MAPK10: variants seen among roughly 807,000 people sequenced by gnomAD.
MAPK10 encodes the protein JNK3 alpha protein kinase.
A neutral mutation model predicts 59.3 loss-of-function variants in MAPK10; 25 were observed. The observed-to-expected ratio is 0.42, with a 90% confidence interval of 0.31 to 0.59. The LOEUF (loss-of-function observed/expected upper bound fraction) is 0.59. MAPK10 is among the 20% of genes least tolerant of loss of function. The pLI is 0.15. For missense variants in MAPK10, 351 were observed against 568.9 expected, an observed-to-expected ratio of 0.62 and a Z score of 3.90; for synonymous variants, 190 against 200.5, an observed-to-expected ratio of 0.95 and a Z score of 0.44.
At chr4:86,548,404 T>G (rs916769362) in intron 1 of MAPK10, among the ~76,000 whole-genome samples, 1 of 152,196 alleles carries the variant, frequency 6.6e-6, no homozygotes, top group African/African-American at 2.4e-5. Context: ...GCTTCATTCC[T>G]GAAGTCAGTG....
At chr4:86,486,915 T>C (rs543993857) in intron 1 of MAPK10, among the ~76,000 whole-genome samples, 3 of 152,296 alleles carry the variant, frequency 2.0e-5, no homozygotes, top group African/African-American at 7.2e-5. Context: ...GACAAATCAC[T>C]GATGTCTTAT....
intron 1 of MAPK10, among the ~76,000 whole-genome samples, chr4:86,516,346 T>C (rs1302682889): frequency 6.6e-6 from 1 of 152,136 alleles, no homozygotes; most frequent in Non-Finnish European, 1.5e-5. Context: ...TTTTATTTAG[T>C]CTTGCTTTGG....
At chr4:86,359,287 T>TCTCTCTCTCTCTCTCTCTCTCC (rs1173944873) in intron 1 of MAPK10, among the ~76,000 whole-genome samples, 10 of 128,470 alleles carry the variant, frequency 7.8e-5, no homozygotes, top group African/African-American at 3.4e-4. Context: ...TCTCTCTCTC[T>TCTCTCTCTCTCTCTCTCTCTCC]CTGTGTGTGT....
At chr4:86,092,376 G>A (rs2053411525) in intron 9 of MAPK10, among the ~76,000 whole-genome samples, 1 of 151,856 alleles carries the variant, frequency 6.6e-6, no homozygotes, top group African/African-American at 2.4e-5. Flanking sequence ...TACAAAAATT[G>A]AATATATGCA....
At chr4:86,573,763 AAT>A (rs1761645971) in intron 1 of MAPK10, among the ~76,000 whole-genome samples, 1 of 152,118 alleles carries the variant, frequency 6.6e-6, no homozygotes, top group South Asian at 2.1e-4. Flanking sequence ...TTCATTCACC[AAT>A]GTTTTATAGT....
intron 2 of MAPK10, among the ~76,000 whole-genome samples, chr4:86,262,744 C>A (rs1402823395): frequency 1.3e-5 from 2 of 152,174 alleles, no homozygotes; most frequent in Non-Finnish European, 2.9e-5. Context: ...TGATCCTAAT[C>A]CAGCTATTCA....
At position 86,231,067 on chromosome 4, in the gene MAPK10, C is replaced by T. The variant is rs1053662979; in HGVS notation, c.-6-36660G>A. On this transcript the variant is annotated intron_variant, in intron 2 of 13. Transcript: ENST00000641462. Reference sequence around the variant, plus strand: ...CATTAGAATCTTCAGCCAAGACCAACGCTAACAAGAAAGTGAAAATGCAAG... The same window carrying T: ...CATTAGAATCTTCAGCCAAGACCAATGCTAACAAGAAAGTGAAAATGCAAG... Among the ~76,000 whole-genome samples, 9 of 152,218 alleles carry T rather than the reference C, an allele frequency of 5.9e-5. No homozygotes were observed. The South Asian group carries it at 1.5e-3, about 25-fold the overall frequency.
intron 1 of MAPK10, chr4:86,356,829 C>T (rs1734754491): frequency 6.6e-6 from 1 of 152,174 alleles, no homozygotes; most frequent in African/African-American, 2.4e-5. Flanking sequence ...TTCTGTTCTT[C>T]TTTACCAGTA....
chr4:86,349,115 T>G (rs775715689), intron 2 of MAPK10, among the ~76,000 whole-genome samples: 2 of 152,160 alleles, frequency 1.3e-5, no homozygotes, highest in African/African-American at 2.4e-5. Flanking sequence ...TTAATAACAA[T>G]CATCAAAAAA....
At chr4:86,314,957 C>T (rs929582830) in intron 2 of MAPK10, among the ~76,000 whole-genome samples, 1 of 152,076 alleles carries the variant, frequency 6.6e-6, no homozygotes, top group East Asian at 1.9e-4. Context: ...TTTAACCTAT[C>T]CCTTATTAAT....
At chr4:86,417,046 A>G (rs1168696250) in intron 1 of MAPK10, among the ~76,000 whole-genome samples, 3 of 152,228 alleles carry the variant, frequency 2.0e-5, no homozygotes, top group African/African-American at 7.2e-5. Flanking sequence ...GTTAACATGT[A>G]CACATATAAA....
rs538653861 is a variant in MAPK10, at chr4:86,216,998, T to C, written c.-6-22591A>G. Among the ~76,000 whole-genome samples the C allele has an allele frequency of 1.8e-4, 28 of 152,236 alleles. No individual in the cohort carries two copies. The South Asian group carries it at 5.8e-3, about 32-fold the overall frequency. ...ACTAAAAGAAAACATAGTAAACACA[T>C]AAGCAACTTATTTTCATAGAGAAAC... On this transcript the variant is annotated intron_variant, in intron 2 of 13. Transcript: ENST00000641462.
intron 1 of MAPK10, among the ~76,000 whole-genome samples, chr4:86,494,842 C>CAAAAAAAAAAAAA (rs567947232): frequency 4.2e-5 from 1 of 23,968 alleles, no homozygotes; most frequent in Non-Finnish European, 6.4e-5. Flanking sequence ...GACTCCGTCT[C>CAAAAAAAAAAAAA]AAAAAAAAAA....
intron 4 of MAPK10, among the ~76,000 whole-genome samples, chr4:86,148,384 A>C (rs2065520485): frequency 6.6e-6 from 1 of 152,226 alleles, no homozygotes; most frequent in Non-Finnish European, 1.5e-5. Context: ...AAAAGTGGTC[A>C]GCACATTTGA....
At chr4:86,546,844 CAGG>C (rs1321955716) in intron 1 of MAPK10, among the ~76,000 whole-genome samples, 1 of 152,152 alleles carries the variant, frequency 6.6e-6, no homozygotes, top group Non-Finnish European at 1.5e-5. Context: ...ATCACGAGGT[CAGG>C]AGATCTAGAC....
In MAPK10 at chr4:86,130,988, G is replaced by A. The variant is rs115027431; in HGVS notation, c.237-23636C>T. On this transcript the variant is annotated intron_variant, in intron 4 of 13. Transcript: ENST00000641462. ...ACAAGTATTTTAATTTTGCCAAGAA[G>A]AAAGAGGGGAAGATAGTGAAAGCTT... 6.8e-3 allele frequency among the ~76,000 whole-genome samples: 1,031 copies of A among 152,166 alleles called. 11 individuals are homozygous for A. The highest frequency in any genetic ancestry group is 0.024 in the African/African-American group (978 of 41,518).
At chr4:86,262,339 G>A (rs1357852620) in intron 2 of MAPK10, among the ~76,000 whole-genome samples, 1 of 151,378 alleles carries the variant, frequency 6.6e-6, no homozygotes, top group Non-Finnish European at 1.5e-5. Flanking sequence ...GATTTCCCAG[G>A]CTCCAGTACT....
At chr4:86,403,197 G>A (rs761628958) in intron 1 of MAPK10, among the ~76,000 whole-genome samples, 1 of 152,132 alleles carries the variant, frequency 6.6e-6, no homozygotes, top group Non-Finnish European at 1.5e-5. Flanking sequence ...CTTAGAGCCT[G>A]TATTAGTCCA....
chr4:86,171,543 G>C (rs1168742609), intron 3 of MAPK10, among the ~76,000 whole-genome samples: 2 of 152,116 alleles, frequency 1.3e-5, no homozygotes, highest in Non-Finnish European at 2.9e-5. Flanking sequence ...GCGGAAACTG[G>C]ATCCCTCCAT....
Sources: gnomAD v4.1 joint callset for allele counts (sites outside exome capture counted in the v4.1 genomes callset) on GRCh38, gnomAD v4.1.1 for gene constraint, MANE v1.5 for transcripts, NCBI Gene and HGNC (gene_info 2026-07-23, HGNC 2026-07-21) for gene names.